PTBP3: variants seen among roughly 807,000 people sequenced by gnomAD.
PTBP3 encodes the protein polypyrimidine tract-binding protein 3.
In PTBP3, 20 loss-of-function variants were observed where a neutral mutation model predicts 58.7. The observed-to-expected ratio is 0.34, with a 90% CI of 0.24 to 0.50. The LOEUF (loss-of-function observed/expected upper bound fraction) is 0.50, where lower values mean the gene tolerates loss of function less well. Among genes scored for constraint, PTBP3 ranks in the 20% least tolerant of loss-of-function variants. PTBP3 has a pLI of 0.98. For missense variants in PTBP3, 509 were observed against 637.2 expected, an observed-to-expected ratio of 0.80 and a Z score of 2.17; for synonymous variants, 185 against 219.8, an observed-to-expected ratio of 0.84 and a Z score of 1.40.
At chr9:112,291,526 C>A (rs1564439326) in intron 2 of PTBP3, among the ~76,000 whole-genome samples, 1 of 152,096 alleles carries the variant, frequency 6.6e-6, no homozygotes, top group Non-Finnish European at 1.5e-5. Context: ...AACATATAGA[C>A]CAATGGAACA....
chr9:112,303,462 T>G (rs536963653), intron 1 of PTBP3, among the ~76,000 whole-genome samples: 1 of 152,238 alleles, frequency 6.6e-6, no homozygotes, highest in African/African-American at 2.4e-5. Flanking sequence ...GTCTCTTATT[T>G]GTGCCTTATA....
intron 1 of PTBP3, among the ~76,000 whole-genome samples, chr9:112,331,524 AGATT>A (rs1280165136): frequency 6.6e-6 from 1 of 152,236 alleles, no homozygotes; most frequent in Non-Finnish European, 1.5e-5. Flanking sequence ...AATACCACGT[AGATT>A]TTTTATTTTT....
chr9:112,262,548 C>T lies in PTBP3; in HGVS notation c.403G>A (p.Ala135Thr), dbSNP rs369648690. 4 of 1,611,888 alleles carry T rather than the reference C, an allele frequency of 2.5e-6. No individual in the cohort carries two copies. The highest frequency in any genetic ancestry group is 2.2e-5 in the East Asian group (1 of 44,686). ...AVSAVQSGSL[A>T]LSGGPSNEGT... ...TCATTGGAAGGACCTCCAGAAAGGG[C>T]CAGGCTTCCTGATTGGACGGCACTG... is the stretch of plus-strand genomic sequence containing the variant. Residue 135 changes from alanine (A) to threonine (T), a missense_variant, in exon 5 of 14, where the codon GCC becomes ACC. Ala to Thr is a moderately conservative substitution (Grantham distance 58). Around this residue, in one of 4 missense-constraint regions of PTBP3, gnomAD observed 212 missense variants for 215.3 expected, o/e 0.98. Transcript: ENST00000374257.
At chr9:112,287,488 ACACCAC>A (rs1422587022) in intron 2 of PTBP3, among the ~76,000 whole-genome samples, 2 of 151,452 alleles carry the variant, frequency 1.3e-5, no homozygotes, top group Admixed American at 1.3e-4. Flanking sequence ...TTACCGGTGC[ACACCAC>A]CACGCCCGGC....
chr9:112,320,353 G>GAA (rs72535131), intron 1 of PTBP3, among the ~76,000 whole-genome samples: 1 of 4,288 alleles, frequency 2.3e-4, no homozygotes, highest in Non-Finnish European at 3.3e-4. Context: ...AATGATAAGT[G>GAA]ACAATGCATA....
the PTBP3 span, among the ~76,000 whole-genome samples, chr9:112,372,351 T>C: frequency 2.0e-5 from 3 of 152,148 alleles, no homozygotes; most frequent in Non-Finnish European, 4.4e-5. Context: ...AGTGCTGGGA[T>C]TACATGCATG....
intron 5 of PTBP3, among the ~76,000 whole-genome samples, chr9:112,255,114 C>T (rs1363650142): frequency 6.6e-6 from 1 of 152,150 alleles, no homozygotes; most frequent in Admixed American, 6.5e-5. Flanking sequence ...CACAAAAGCA[C>T]ACATACTGCA....
intron 4 of PTBP3, among the ~76,000 whole-genome samples, chr9:112,263,328 T>C (rs1836674762): frequency 6.6e-6 from 1 of 152,196 alleles, no homozygotes; most frequent in Non-Finnish European, 1.5e-5. Context: ...TTAAAGTACC[T>C]GCCCACAAAA....
At chr9:112,360,099 T>C in the PTBP3 span, among the ~76,000 whole-genome samples, 1 of 152,300 alleles carries the variant, frequency 6.6e-6, no homozygotes, top group South Asian at 2.1e-4. Context: ...CTGGCAATAA[T>C]TCATGGAGCA....
At chr9:112,232,374 G>T in intron 8 of PTBP3, 136 bp from the exon 9 acceptor site, 1 of 882,762 alleles carries the variant, frequency 1.1e-6, no homozygotes, top group Non-Finnish European at 1.7e-6. Flanking sequence ...GATACTGAAG[G>T]CCAGTTTTCT....
chr9:112,342,729 A>AAAGAAGAAGAAG, the PTBP3 span, among the ~76,000 whole-genome samples: 1,584 of 150,958 alleles, frequency 0.01, 19 homozygotes, highest in African/African-American at 0.026. Flanking sequence ...AAAGAAAAAC[A>AAAGAAGAAGAAG]AAGAAGAAGA....
Position 112,268,033 on chromosome 9 carries a change from C to T in PTBP3, c.351+16G>A. The T allele has an allele frequency of 6.3e-7, 1 of 1,592,330 alleles. No homozygotes were observed. Among genetic ancestry groups the T allele is most frequent in the Non-Finnish European group, 8.5e-7 (1 of 1,170,526 alleles). On this transcript the variant is annotated intron_variant, in intron 4 of 13. Transcript: ENST00000374257. ...GTGTTCCCATACCTATTTTTAAAAACATCTTTAATACTTACAGCTTGATTA... is the reference window on the plus strand; with the variant it reads ...GTGTTCCCATACCTATTTTTAAAAATATCTTTAATACTTACAGCTTGATTA...
At chr9:112,306,456 G>C (rs1829215775) in intron 1 of PTBP3, among the ~76,000 whole-genome samples, 2 of 44,940 alleles carry the variant, frequency 4.5e-5, no homozygotes, top group Non-Finnish European at 7.6e-5. Flanking sequence ...CACTGTGCCT[G>C]GGCAAAAAAA....
At chr9:112,235,395 G>A (rs778244269) in intron 7 of PTBP3, among the ~76,000 whole-genome samples, 6 of 152,172 alleles carry the variant, frequency 3.9e-5, no homozygotes, top group Non-Finnish European at 7.4e-5. Context: ...TGACTGGTCA[G>A]AGAAGTTTTC....
intron 4 of PTBP3, among the ~76,000 whole-genome samples, chr9:112,264,081 T>C (rs920796427): frequency 3.3e-5 from 5 of 152,116 alleles, no homozygotes; most frequent in Non-Finnish European, 5.9e-5. Context: ...CTCTTTGGAA[T>C]AGTTAAATTA....
chr9:112,345,133 A>T, the PTBP3 span, among the ~76,000 whole-genome samples: 2 of 151,794 alleles, frequency 1.3e-5, no homozygotes, highest in East Asian at 3.9e-4. Context: ...AAATAATACC[A>T]CTGCCACAGA....
chr9:112,229,169 A>G (rs1001176899), intron 10 of PTBP3, among the ~76,000 whole-genome samples: 3 of 152,216 alleles, frequency 2.0e-5, no homozygotes, highest in Admixed American at 2.0e-4. Flanking sequence ...TAAAGCCAAC[A>G]GGTTCTACGA....
rs1836634868 is a variant in PTBP3, at chr9:112,262,414, AG to A, written c.516+20del. The A allele has an allele frequency of 6.5e-7, 1 of 1,539,634 alleles. No individual in the cohort carries two copies. The highest frequency in any genetic ancestry group is 2.5e-5 in the East Asian group (1 of 40,634). On this transcript the variant is annotated intron_variant, in intron 5 of 13. Transcript: ENST00000374257. ...GGCCATATTTAACTTAACTTTCTTAAGGGTATTTATTCCTCCTTACCTGATG... is the reference window on the plus strand; with the variant it reads ...GGCCATATTTAACTTAACTTTCTTAAGGTATTTATTCCTCCTTACCTGATG...
intron 2 of PTBP3, among the ~76,000 whole-genome samples, chr9:112,284,090 GT>G (rs752493948): frequency 1.3e-4 from 20 of 150,354 alleles, no homozygotes; most frequent in Non-Finnish European, 2.2e-4. Flanking sequence ...TACTAGGGCA[GT>G]GCAGAAGGGA....
Sources: gnomAD v4.1 joint callset for allele counts (sites outside exome capture counted in the v4.1 genomes callset) on GRCh38, gnomAD v4.1.1 for gene constraint, gnomAD v4.1.1 regional missense constraint, MANE v1.5 for transcripts, NCBI Gene and HGNC (gene_info 2026-07-23, HGNC 2026-07-21) for gene names.